Variants in FAM20B observed in about 807,000 individuals in gnomAD.
The protein encoded by FAM20B is FAM20B glycosaminoglycan xylosylkinase, also known as glycosaminoglycan xylosylkinase.
In FAM20B, 23 loss-of-function variants were observed where a neutral mutation model predicts 43.8. The ratio of observed to expected loss-of-function variants is 0.53; its 90% CI spans 0.38 to 0.74. FAM20B has a LOEUF of 0.74. Among genes scored for constraint, FAM20B ranks in the 30% least tolerant of loss-of-function variants. FAM20B has a pLI of 0.00. For missense variants in FAM20B, 440 were observed against 510.5 expected (o/e 0.86, Z 1.33); for synonymous variants, 178 against 192.4 (o/e 0.93, Z 0.62).
chr1:179,057,980 T>C (rs1487466341), intron 4 of FAM20B, among the ~76,000 whole-genome samples: 1 of 152,222 alleles, frequency 6.6e-6, no homozygotes, highest in Non-Finnish European at 1.5e-5. Context: ...TTAACATTTT[T>C]TGTGCTATAG....
the FAM20B span, among the ~76,000 whole-genome samples, chr1:179,020,303 T>A: frequency 2.0e-5 from 3 of 152,176 alleles, no homozygotes; most frequent in South Asian, 6.2e-4. Flanking sequence ...TTTCCCTTCA[T>A]GCCTGACAGC....
chr1:179,072,403 G>A lies in FAM20B; in HGVS notation c.*259G>A. ...CATTCTAGGGTTGGGCATCATAGTT[G>A]GTCAGTCTTAATTCCCATGCCAAAG... On this transcript the variant is annotated 3_prime_UTR_variant, in exon 8 of 8. Transcript: ENST00000263733. 3 of 481,660 alleles carry A rather than the reference G, an allele frequency of 6.2e-6. No individual in the cohort carries two copies. The highest frequency in any genetic ancestry group is 1.1e-5 in the Non-Finnish European group (3 of 264,928). 29.8% of individuals were successfully genotyped at this position (481,660 alleles called of 1,614,324 possible). A position where few individuals can be genotyped will look rare whatever the true frequency, so the allele number is the denominator to read the frequency against.
At chr1:179,051,122 TAA>T (rs71108087) in intron 3 of FAM20B, among the ~76,000 whole-genome samples, 180 of 140,692 alleles carry the variant, frequency 1.3e-3, no homozygotes, top group Non-Finnish European at 1.2e-3. Flanking sequence ...ACTCTGTCTT[TAA>T]AAAAAAAAAA....
At chr1:179,065,528 A>C (rs984491078) in intron 6 of FAM20B, among the ~76,000 whole-genome samples, 3 of 152,216 alleles carry the variant, frequency 2.0e-5, no homozygotes, top group Admixed American at 2.0e-4. Flanking sequence ...GGTTGTTGGA[A>C]ATAAGCTAAG....
chr1:179,038,423 A>AAG (rs1650344703), intron 1 of FAM20B, among the ~76,000 whole-genome samples: 1 of 151,864 alleles, frequency 6.6e-6, no homozygotes, highest in Non-Finnish European at 1.5e-5. Flanking sequence ...AAAAAAAAAA[A>AAG]AAAGAAAAAA....
chr1:179,061,503 A>G (rs965438251), intron 4 of FAM20B, among the ~76,000 whole-genome samples: 7 of 151,988 alleles, frequency 4.6e-5, no homozygotes, highest in Non-Finnish European at 8.8e-5. Flanking sequence ...TCCTGGTCTC[A>G]AGCAATCCTC....
chr1:179,025,741 G>C (rs1284254580), upstream of FAM20B: 6 of 151,690 alleles, frequency 4.0e-5, no homozygotes, highest in African/African-American at 1.2e-4. Flanking sequence ...GCCCGGTATG[G>C]AAGAGGTTAA....
rs1650641282 is a variant in FAM20B at position 179,043,770 on chromosome 1, C to T, written c.-78C>T. 1 of 1,394,326 alleles carries T rather than the reference C, an allele frequency of 7.2e-7. No homozygotes were observed. Among genetic ancestry groups the T allele is most frequent in the South Asian group, 1.4e-5 (1 of 73,178 alleles). The allele number at this position is 1,394,326 out of a possible 1,614,324, so 86.4% of individuals were successfully genotyped here. A position where few individuals can be genotyped will look rare whatever the true frequency, so the allele number is the denominator to read the frequency against. ...GGACCAATGTGTATAATCATGGAAT[C>T]TCCTTGCTAACCATCACCACCAGCT... On this transcript the variant is annotated 5_prime_UTR_variant, in exon 2 of 8. Coordinates refer to ENST00000263733, the MANE Select transcript of FAM20B (RefSeq NM_014864.4).
Position 179,075,668 on chromosome 1 carries a change from A to G in FAM20B, c.*3524A>G, listed in dbSNP as rs80245804. 2 of 152,576 alleles carry G rather than the reference A, an allele frequency of 1.3e-5. No homozygotes were observed. Among genetic ancestry groups the G allele is most frequent in the African/African-American group, 4.8e-5 (2 of 41,438 alleles). 9.5% of individuals were successfully genotyped at this position (152,576 alleles called of 1,614,324 possible). A position where few individuals can be genotyped will look rare whatever the true frequency, so the allele number is the denominator to read the frequency against. ...GAAGGAAATGGAAGAATTCAGGTACATTAATTGCATATTATTTTGGGAAAG... is the reference window on the plus strand; with the variant it reads ...GAAGGAAATGGAAGAATTCAGGTACGTTAATTGCATATTATTTTGGGAAAG... On this transcript the variant is annotated 3_prime_UTR_variant, in exon 8 of 8. Transcript: ENST00000263733.
intron 4 of FAM20B, among the ~76,000 whole-genome samples, chr1:179,062,089 C>T (rs1651487915): frequency 1.3e-5 from 2 of 151,936 alleles, no homozygotes; most frequent in South Asian, 4.1e-4. Flanking sequence ...TTATTGCAAA[C>T]TTTGCCTCTC....
At chr1:179,033,570 G>C (rs1268875519) in intron 1 of FAM20B, among the ~76,000 whole-genome samples, 1 of 152,112 alleles carries the variant, frequency 6.6e-6, no homozygotes, top group Non-Finnish European at 1.5e-5. Context: ...TTCTCCCCTG[G>C]TATTTTTACT....
chr1:179,051,668 A>AC lies in FAM20B; in HGVS notation c.464+1304dup, dbSNP rs1192875524. Among the ~76,000 whole-genome samples the AC allele has an allele frequency of 7.9e-5, 12 of 152,182 alleles. No individual in the cohort carries two copies. The East Asian group carries it at 2.3e-3, about 29-fold the overall frequency. On this transcript the variant is annotated intron_variant, in intron 3 of 7. Coordinates refer to ENST00000263733, the MANE Select transcript of FAM20B (RefSeq NM_014864.4). ...ATAATAAATAAATTTTTTTTCTGAG[A>AC]CAGAGTCTCACTCTGTCCTCCAGAC... is the stretch of plus-strand genomic sequence containing the variant.
chr1:179,026,639 C>T (rs1649797409), intron 1 of FAM20B, among the ~76,000 whole-genome samples: 1 of 152,204 alleles, frequency 6.6e-6, no homozygotes, highest in Admixed American at 6.5e-5. Context: ...CAACCGTGCC[C>T]GGGGCCCGCG....
chr1:179,029,392 C>T (rs1649917539), intron 1 of FAM20B, among the ~76,000 whole-genome samples: 1 of 152,232 alleles, frequency 6.6e-6, no homozygotes, highest in South Asian at 2.1e-4. Context: ...ACAATGTCAG[C>T]ATGACTGCTC....
intron 2 of FAM20B, among the ~76,000 whole-genome samples, chr1:179,048,990 CAATTTA>C (rs1650888987): frequency 6.6e-6 from 1 of 152,196 alleles, no homozygotes; most frequent in African/African-American, 2.4e-5. Context: ...ACATCACTCT[CAATTTA>C]TTTCTATTTC....
intron 3 of FAM20B, 22 bp from the exon 4 acceptor site, chr1:179,054,507 G>T: frequency 1.3e-6 from 2 of 1,492,450 alleles, no homozygotes; most frequent in Non-Finnish European, 1.9e-6. Flanking sequence ...TTTCTCTTCT[G>T]TTCTTCAATC....
intron 4 of FAM20B, among the ~76,000 whole-genome samples, chr1:179,055,709 C>T (rs926502889): frequency 2.9e-4 from 44 of 152,114 alleles, no homozygotes; most frequent in African/African-American, 1.0e-3. Context: ...AGATGGTCAA[C>T]TCACACATTG....
intron 1 of FAM20B, among the ~76,000 whole-genome samples, chr1:179,040,564 G>T (rs1353070023): frequency 1.1e-4 from 14 of 126,332 alleles, no homozygotes; most frequent in Non-Finnish European, 2.2e-4. Context: ...CCTCCAGGAC[G>T]GGGCAGCTGG....
At chr1:179,050,934 C>T (rs1002638941) in intron 3 of FAM20B, among the ~76,000 whole-genome samples, 1 of 151,988 alleles carries the variant, frequency 6.6e-6, no homozygotes, top group African/African-American at 2.4e-5. Context: ...CCAGCCTGGG[C>T]AACATGGTGA....
Sources: gnomAD v4.1 joint callset for allele counts (sites outside exome capture counted in the v4.1 genomes callset) on GRCh38, gnomAD v4.1.1 for gene constraint, MANE v1.5 for transcripts, NCBI Gene and HGNC (gene_info 2026-07-23, HGNC 2026-07-21) for gene names.